Variants in SDK1 observed in about 807,000 individuals in gnomAD.
SDK1 encodes the protein sidekick cell adhesion molecule 1.
In SDK1, 157 loss-of-function variants were observed where a neutral mutation model predicts 245.5. The ratio of observed to expected loss-of-function variants is 0.64; its 90% CI spans 0.56 to 0.73. The LOEUF is 0.73. Ranked by LOEUF, SDK1 falls within the 30% of genes least tolerant of loss-of-function variation. SDK1 has a pLI of 0.00. For synonymous variants in SDK1, 1,647 were observed against 1,278.5 expected (o/e 1.29, Z -6.15); for missense variants, 3,583 against 3,002.3 (o/e 1.19, Z -4.52).
chr7:3,510,062 G>A, intron 1 of SDK1, among the ~76,000 whole-genome samples: 1 of 152,200 alleles, frequency 6.6e-6, no homozygotes, highest in East Asian at 1.9e-4. Flanking sequence ...TTAGAACTGG[G>A]AGGGGGCTCC....
chr7:4,099,229 ATCT>A (rs1782378398), intron 22 of SDK1, among the ~76,000 whole-genome samples: 1 of 151,534 alleles, frequency 6.6e-6, no homozygotes, highest in African/African-American at 2.4e-5. Context: ...TAAAGTATAG[ATCT>A]TATTTTTATT....
At chr7:3,414,773 C>T (rs1303683468) in intron 1 of SDK1, among the ~76,000 whole-genome samples, 2 of 152,138 alleles carry the variant, frequency 1.3e-5, no homozygotes, top group African/African-American at 4.8e-5. Flanking sequence ...CCCTGGCAAC[C>T]GCTAATCTAC....
chr7:3,860,337 G>A (rs1043156641), intron 5 of SDK1, among the ~76,000 whole-genome samples: 1 of 152,066 alleles, frequency 6.6e-6, no homozygotes, highest in African/African-American at 2.4e-5. Flanking sequence ...AAAAGACAAT[G>A]AAAAAAAGAT....
At chr7:3,528,329 C>A (rs566584422) in intron 1 of SDK1, among the ~76,000 whole-genome samples, 22 of 79,300 alleles carry the variant, frequency 2.8e-4, no homozygotes, top group East Asian at 4.2e-4. Flanking sequence ...GTTGGATGAT[C>A]GTCAGCTGGG....
At chr7:3,485,760 G>C (rs529982943) in intron 1 of SDK1, among the ~76,000 whole-genome samples, 2 of 95,560 alleles carry the variant, frequency 2.1e-5, no homozygotes, top group Non-Finnish European at 4.0e-5. Flanking sequence ...ATTTAAAAAT[G>C]TTCCATCTAT....
rs139235899 is a variant in SDK1, at chr7:3,449,719, C to T, written c.298+147835C>T. Among the ~76,000 whole-genome samples the T allele has an allele frequency of 5.9e-5, 9 of 152,268 alleles. 1 individual carries two copies. Among genetic ancestry groups the T allele is most frequent in the African/African-American group, 1.9e-4 (8 of 41,564 alleles). On this transcript the variant is annotated intron_variant, in intron 1 of 44. Coordinates refer to ENST00000404826, the MANE Select transcript of SDK1 (RefSeq NM_152744.4). ...GCATTTAAACCCAAAAGACACTGAG[C>T]GGCAGAGACCTGTGTAACTAGTTTG...
intron 1 of SDK1, among the ~76,000 whole-genome samples, chr7:3,377,784 A>G (rs752041733): frequency 1.3e-5 from 2 of 151,816 alleles, no homozygotes; most frequent in Non-Finnish European, 2.9e-5. Context: ...TATTTATTAT[A>G]TATTTATTTT....
intron 4 of SDK1, among the ~76,000 whole-genome samples, chr7:3,677,070 A>T (rs1405930611): frequency 1.3e-5 from 2 of 152,116 alleles, no homozygotes. Context: ...TCTTCAAGAA[A>T]TCTGGGTGGC....
chr7:3,349,333 G>C lies in SDK1; in HGVS notation c.298+47449G>C, dbSNP rs78914273. 4.6e-4 allele frequency among the ~76,000 whole-genome samples: 70 copies of C among 151,658 alleles called. 1 individual carries two copies. The East Asian group carries it at 0.011, about 23-fold the overall frequency. On this transcript the variant is annotated intron_variant, in intron 1 of 44. Coordinates refer to ENST00000404826, the MANE Select transcript of SDK1 (RefSeq NM_152744.4). ...ACTGTGGTTCATAATCACTTAAAGA[G>C]AACGTCATTCTTGGAGTTACTCATC...
intron 4 of SDK1, among the ~76,000 whole-genome samples, chr7:3,788,013 T>G (rs1780959009): frequency 6.6e-6 from 1 of 152,162 alleles, no homozygotes; most frequent in African/African-American, 2.4e-5. Flanking sequence ...GGGCAGGCTC[T>G]TGGAAGTGAC....
intron 5 of SDK1, among the ~76,000 whole-genome samples, chr7:3,845,510 A>T (rs1780254827): frequency 6.6e-6 from 1 of 150,462 alleles, no homozygotes; most frequent in Non-Finnish European, 1.5e-5. Context: ...AAAAAAAAAA[A>T]AAGGCCCTAG....
At chr7:3,565,592 C>T (rs191989426) in intron 1 of SDK1, among the ~76,000 whole-genome samples, 2 of 152,286 alleles carry the variant, frequency 1.3e-5, no homozygotes, top group East Asian at 1.9e-4. Context: ...TGTGTATAAA[C>T]AGTCATCTCT....
intron 5 of SDK1, among the ~76,000 whole-genome samples, chr7:3,900,175 ATATTT>A (rs1385055578): frequency 3.3e-5 from 5 of 152,152 alleles, no homozygotes; most frequent in Admixed American, 6.5e-5. Flanking sequence ...CTGTGTCTTT[ATATTT>A]TATTACATAT....
intron 5 of SDK1, among the ~76,000 whole-genome samples, chr7:3,945,376 C>T (rs934116661): frequency 6.6e-6 from 1 of 151,996 alleles, no homozygotes; most frequent in Non-Finnish European, 1.5e-5. Context: ...TGAAGAAAGC[C>T]CTTCCTGTAA....
intron 1 of SDK1, among the ~76,000 whole-genome samples, chr7:3,431,358 GTTTTT>G (rs34510123): frequency 8.4e-6 from 1 of 118,370 alleles, no homozygotes; most frequent in African/African-American, 3.4e-5. Context: ...AATGTGGGAG[GTTTTT>G]TTTTTTTTTT....
chr7:4,156,799 G>A (rs1780764561), intron 30 of SDK1, among the ~76,000 whole-genome samples: 1 of 152,204 alleles, frequency 6.6e-6, no homozygotes, highest in Non-Finnish European at 1.5e-5. Flanking sequence ...AGACTTCAGA[G>A]TCCTGGGGGT....
chr7:4,032,146 G>A (rs970269426), intron 17 of SDK1, among the ~76,000 whole-genome samples: 15 of 151,946 alleles, frequency 9.9e-5, no homozygotes, highest in African/African-American at 1.9e-4. Flanking sequence ...AGAAAGTTGC[G>A]GATTAGTTTT....
intron 4 of SDK1, among the ~76,000 whole-genome samples, chr7:3,732,941 A>C (rs1779220526): frequency 6.6e-6 from 1 of 152,178 alleles, no homozygotes; most frequent in Non-Finnish European, 1.5e-5. Context: ...CCTGGAGTCT[A>C]GGGAGGCAAC....
At chr7:3,944,341 A>T (rs754434906) in intron 5 of SDK1, among the ~76,000 whole-genome samples, 1 of 152,250 alleles carries the variant, frequency 6.6e-6, no homozygotes, top group Non-Finnish European at 1.5e-5. Flanking sequence ...TTGTGGCTGC[A>T]TGGCAGCTTG....
Sources: gnomAD v4.1 joint callset for allele counts (sites outside exome capture counted in the v4.1 genomes callset) on GRCh38, gnomAD v4.1.1 for gene constraint, MANE v1.5 for transcripts, NCBI Gene and HGNC (gene_info 2026-07-23, HGNC 2026-07-21) for gene names.